The following RABGAP1L variants were observed in gnomAD, a reference collection of about 807,000 sequenced individuals.
RABGAP1L encodes the protein rab GTPase-activating protein 1-like.
RABGAP1L carries 63 observed loss-of-function variants against 137.7 expected under a neutral mutation model. The observed-to-expected ratio is 0.46, with a 90% CI of 0.37 to 0.56. The LOEUF (loss-of-function observed/expected upper bound fraction) is 0.56, where lower values mean the gene tolerates loss of function less well. Among genes scored for constraint, RABGAP1L ranks in the 20% least tolerant of loss-of-function variants. The pLI, the probability that RABGAP1L is intolerant of heterozygous loss-of-function variation, is 0.00. For missense variants in RABGAP1L, 1,095 were observed against 1,244.0 expected, an observed-to-expected ratio of 0.88 and a Z score of 1.80; for synonymous variants, 431 against 433.7, an observed-to-expected ratio of 0.99 and a Z score of 0.08.
At chr1:174,481,009 G>A (rs1297377765) in intron 13 of RABGAP1L, among the ~76,000 whole-genome samples, 1 of 152,138 alleles carries the variant, frequency 6.6e-6, no homozygotes, top group Admixed American at 6.5e-5. Context: ...CACTGCCTGT[G>A]TCTTTGACCT....
rs200269053 is a variant in RABGAP1L, at chr1:174,403,243, G to A, written c.1710+9098G>A. On this transcript the variant is annotated intron_variant, in intron 13 of 25. Transcript: ENST00000681986. ...TGTGTGTGTGTGTGTGTGTGTGTGTGTGTGTATATATATGTGTATACCATT... is the reference window on the plus strand; with the variant it reads ...TGTGTGTGTGTGTGTGTGTGTGTGTATGTGTATATATATGTGTATACCATT... 3.1e-4 allele frequency among the ~76,000 whole-genome samples: 37 copies of A among 120,260 alleles called. 2 individuals carry two copies. In the South Asian group the frequency reaches 3.9e-3, roughly 13 times the overall value. The allele number at this position is 120,260 out of a possible 152,430, so 78.9% of individuals were successfully genotyped here. A position where few individuals can be genotyped will look rare whatever the true frequency, so the allele number is the denominator to read the frequency against.
At chr1:174,550,857 A>AAT (rs1216100934) in intron 13 of RABGAP1L, among the ~76,000 whole-genome samples, 4,552 of 61,442 alleles carry the variant, frequency 0.074, 225 homozygotes, top group East Asian at 0.1. Flanking sequence ...GTCTCTGCTA[A>AAT]ATATATATAT....
intron 17 of RABGAP1L, among the ~76,000 whole-genome samples, chr1:174,746,469 T>A (rs942916233): frequency 6.6e-6 from 1 of 152,212 alleles, no homozygotes; most frequent in Non-Finnish European, 1.5e-5. Context: ...AGTCAGCTAC[T>A]TTTTTTGAGT....
chr1:174,846,524 T>C (rs1336348291), intron 19 of RABGAP1L, among the ~76,000 whole-genome samples: 2 of 116,608 alleles, frequency 1.7e-5, no homozygotes, highest in East Asian at 3.6e-4. Flanking sequence ...AGTTTCCATG[T>C]AGTTGAGTGG....
chr1:174,489,055 A>C (rs967467261), intron 13 of RABGAP1L, among the ~76,000 whole-genome samples: 2 of 151,836 alleles, frequency 1.3e-5, no homozygotes, highest in Admixed American at 6.6e-5. Context: ...GCTCAGAATG[A>C]TGGTTTCTAG....
intron 19 of RABGAP1L, among the ~76,000 whole-genome samples, chr1:174,933,472 G>A (rs1055665853): frequency 6.6e-6 from 1 of 152,062 alleles, no homozygotes; most frequent in African/African-American, 2.4e-5. Flanking sequence ...CGTGGGTTTG[G>A]ATACCAAAGA....
intron 13 of RABGAP1L, among the ~76,000 whole-genome samples, chr1:174,560,223 CT>C (rs909893210): frequency 3.3e-5 from 5 of 151,956 alleles, no homozygotes; most frequent in African/African-American, 7.3e-5. Flanking sequence ...GTCAAGAAGA[CT>C]TTTTTTTCTA....
At chr1:174,571,770 A>G (rs1392216740) in intron 13 of RABGAP1L, among the ~76,000 whole-genome samples, 2 of 152,138 alleles carry the variant, frequency 1.3e-5, no homozygotes, top group Non-Finnish European at 2.9e-5. Flanking sequence ...TTTTGAAATA[A>G]TGTGATTAAC....
chr1:174,210,076 T>A (rs1414522343), intron 1 of RABGAP1L, among the ~76,000 whole-genome samples: 1 of 152,178 alleles, frequency 6.6e-6, no homozygotes, highest in East Asian at 1.9e-4. Flanking sequence ...CAGATACAGC[T>A]TAGATCACAA....
intron 13 of RABGAP1L, among the ~76,000 whole-genome samples, chr1:174,552,471 G>T (rs1192938982): frequency 6.6e-6 from 1 of 152,018 alleles, no homozygotes; most frequent in Non-Finnish European, 1.5e-5. Flanking sequence ...ATGGCCTCCT[G>T]CTCCATCCAT....
intron 9 of RABGAP1L, among the ~76,000 whole-genome samples, 181 bp downstream of exon 9, chr1:174,276,116 C>T (rs1312999101): frequency 6.6e-6 from 1 of 151,952 alleles, no homozygotes; most frequent in African/African-American, 2.4e-5. Flanking sequence ...TTAAAAAAAT[C>T]CTCCCCAAAA....
chr1:174,249,409 T>G (rs747525489), intron 5 of RABGAP1L, among the ~76,000 whole-genome samples: 6 of 152,070 alleles, frequency 3.9e-5, no homozygotes, highest in Non-Finnish European at 5.9e-5. Flanking sequence ...TTTGTGAGAG[T>G]GTGTTGGGAA....
intron 13 of RABGAP1L, among the ~76,000 whole-genome samples, chr1:174,523,496 TTC>T (rs1663605623): frequency 6.6e-6 from 1 of 152,208 alleles, no homozygotes; most frequent in South Asian, 2.1e-4. Context: ...TTTTAAACAT[TTC>T]TTTTATTGAT....
intron 20 of RABGAP1L, chr1:174,958,141 A>G: frequency 6.7e-7 from 1 of 1,482,416 alleles, no homozygotes; most frequent in African/African-American, 1.4e-5. Flanking sequence ...AAAAATACCA[A>G]CTCACTTGGA....
chr1:174,575,619 G>A (rs771192587), intron 13 of RABGAP1L, among the ~76,000 whole-genome samples: 3 of 152,178 alleles, frequency 2.0e-5, no homozygotes, highest in Non-Finnish European at 4.4e-5. Flanking sequence ...GATAACAATT[G>A]CATTGCTCCC....
At chr1:174,444,678 A>G (rs1654535948) in intron 13 of RABGAP1L, among the ~76,000 whole-genome samples, 1 of 152,038 alleles carries the variant, frequency 6.6e-6, no homozygotes, top group Non-Finnish European at 1.5e-5. Context: ...GGTAGATTGT[A>G]TGTGTCCAGG....
intron 13 of RABGAP1L, among the ~76,000 whole-genome samples, chr1:174,408,449 C>A (rs1483951463): frequency 4.6e-5 from 7 of 152,144 alleles, no homozygotes; most frequent in Admixed American, 2.0e-4. Flanking sequence ...ACCACATTTT[C>A]TTTTTCCAAC....
At chr1:174,313,698 C>T (rs1028610693) in intron 11 of RABGAP1L, among the ~76,000 whole-genome samples, 1 of 151,962 alleles carries the variant, frequency 6.6e-6, no homozygotes, top group Non-Finnish European at 1.5e-5. Flanking sequence ...CTATCTCAAG[C>T]TTTTTTGAGG....
At chr1:174,932,917 C>A (rs1182261315) in intron 19 of RABGAP1L, among the ~76,000 whole-genome samples, 1 of 152,086 alleles carries the variant, frequency 6.6e-6, no homozygotes. Flanking sequence ...CTGGCACTAG[C>A]CCTAGAATCA....
Sources: allele counts gnomAD v4.1 joint callset (sites outside exome capture counted in the v4.1 genomes callset), GRCh38; gene constraint gnomAD v4.1.1; transcripts MANE v1.5; gene names NCBI Gene and HGNC (gene_info 2026-07-23, HGNC 2026-07-21).